Variants in TAFA1 observed in about 807,000 individuals in gnomAD.
TAFA1 encodes chemokine-like protein TAFA-1.
TAFA1 carries 4 observed loss-of-function variants against 18.5 expected under a neutral mutation model. That is an observed-to-expected ratio of 0.22 (90% CI 0.11 to 0.49). TAFA1 has a LOEUF of 0.49. Ranked by LOEUF, TAFA1 falls within the 20% of genes least tolerant of loss-of-function variation. The pLI, the probability that TAFA1 is intolerant of heterozygous loss-of-function variation, is 0.98. For missense variants in TAFA1, 147 were observed against 169.0 expected (o/e 0.87, Z 0.72); for synonymous variants, 56 against 55.2 (o/e 1.01, Z -0.06).
At chr3:68,003,977 C>T (rs754958763), upstream of TAFA1, among the ~76,000 whole-genome samples, 187 of 152,264 alleles carry the variant, frequency 1.2e-3, no homozygotes, top group Non-Finnish European at 1.9e-3. Context: ...ATTTCACTTT[C>T]CCATTTACTG....
chr3:68,253,612 G>A (rs2107170980), intron 2 of TAFA1, among the ~76,000 whole-genome samples: 1 of 152,288 alleles, frequency 6.6e-6, no homozygotes, highest in South Asian at 2.1e-4. Context: ...GAACCCTAAT[G>A]GTGATGCATG....
intron 2 of TAFA1, among the ~76,000 whole-genome samples, chr3:68,197,346 G>T (rs1256994665): frequency 6.6e-6 from 1 of 151,568 alleles, no homozygotes; most frequent in Non-Finnish European, 1.5e-5. Context: ...GAAATAAGTG[G>T]GTATGGTATG....
intron 2 of TAFA1, among the ~76,000 whole-genome samples, chr3:68,027,495 C>G (rs528855511): frequency 2.6e-5 from 4 of 152,258 alleles, no homozygotes; most frequent in Admixed American, 2.6e-4. Flanking sequence ...TAAGACATGA[C>G]TGGCATTTGT....
chr3:68,255,932 T>A (rs1191598957), intron 2 of TAFA1, among the ~76,000 whole-genome samples: 1 of 152,142 alleles, frequency 6.6e-6, no homozygotes, highest in Non-Finnish European at 1.5e-5. Context: ...AATTTACTGA[T>A]AATTTGTGAA....
At chr3:68,318,949 T>A (rs558063960) in intron 2 of TAFA1, among the ~76,000 whole-genome samples, 58 of 152,286 alleles carry the variant, frequency 3.8e-4, no homozygotes, top group South Asian at 1.2e-3. Flanking sequence ...CCATTTTTTT[T>A]AAAATTACCT....
chr3:68,000,741 G>T (rs1035863513), upstream of TAFA1, among the ~76,000 whole-genome samples: 1 of 152,156 alleles, frequency 6.6e-6, no homozygotes, highest in African/African-American at 2.4e-5. Context: ...TATAGTTCAG[G>T]TAAAAGATGA....
chr3:68,438,374 A>C (rs1326127236), intron 3 of TAFA1, among the ~76,000 whole-genome samples: 2 of 152,240 alleles, frequency 1.3e-5, no homozygotes, highest in Middle Eastern at 3.4e-3. Context: ...AAGACTCCAG[A>C]ATAACAGAAT....
intron 3 of TAFA1, among the ~76,000 whole-genome samples, chr3:68,486,064 A>AATTTTT (rs1559689341): frequency 8.0e-5 from 11 of 136,938 alleles, no homozygotes; most frequent in African/African-American, 3.1e-4. Flanking sequence ...TTCCTGGCTA[A>AATTTTT]ATTTTTATTT....
chr3:68,021,022 C>T (rs893518836), intron 2 of TAFA1, among the ~76,000 whole-genome samples: 1 of 151,510 alleles, frequency 6.6e-6, no homozygotes, highest in African/African-American at 2.4e-5. Context: ...CCCATCTCTA[C>T]TAAAAATACA....
chr3:68,462,953 A>G (rs2071813863), intron 3 of TAFA1, among the ~76,000 whole-genome samples: 1 of 152,228 alleles, frequency 6.6e-6, no homozygotes, highest in African/African-American at 2.4e-5. Flanking sequence ...GTAGTAAGGT[A>G]AACAAAACAA....
intron 1 of TAFA1, among the ~76,000 whole-genome samples, chr3:68,005,136 G>C (rs960518067): frequency 2.0e-5 from 3 of 152,042 alleles, no homozygotes; most frequent in East Asian, 1.9e-4. Context: ...TAATTTGCAG[G>C]GTATTCTGAA....
At chr3:68,160,921 C>A (rs1465678936) in intron 2 of TAFA1, among the ~76,000 whole-genome samples, 1 of 152,140 alleles carries the variant, frequency 6.6e-6, no homozygotes, top group Admixed American at 6.5e-5. Context: ...GGTCCACACA[C>A]TCAATGATCA....
At chr3:68,356,872 T>C (rs2069376177) in intron 2 of TAFA1, among the ~76,000 whole-genome samples, 1 of 151,914 alleles carries the variant, frequency 6.6e-6, no homozygotes, top group Admixed American at 6.6e-5. Context: ...GTGAAGAAGT[T>C]TTGAAAATTT....
At chr3:68,540,047 T>C (rs925380098) in intron 4 of TAFA1, among the ~76,000 whole-genome samples, 7 of 152,204 alleles carry the variant, frequency 4.6e-5, no homozygotes, top group African/African-American at 1.7e-4. Flanking sequence ...ATTATTAATC[T>C]TGACTTACTC....
intron 2 of TAFA1, among the ~76,000 whole-genome samples, chr3:68,051,341 A>G (rs2064469076): frequency 6.6e-6 from 1 of 152,188 alleles, no homozygotes; most frequent in South Asian, 2.1e-4. Context: ...CTTACTAAGA[A>G]TCAGATCTGG....
At chr3:68,277,844 A>C (rs2067824212) in intron 2 of TAFA1, among the ~76,000 whole-genome samples, 1 of 152,200 alleles carries the variant, frequency 6.6e-6, no homozygotes, top group South Asian at 2.1e-4. Flanking sequence ...TCCTCTACTC[A>C]ACAATATATC....
At chr3:68,087,064 G>T (rs976344338) in intron 2 of TAFA1, among the ~76,000 whole-genome samples, 2 of 152,100 alleles carry the variant, frequency 1.3e-5, no homozygotes, top group Admixed American at 6.6e-5. Flanking sequence ...GTGGCTTTTT[G>T]CACACTATGA....
intron 3 of TAFA1, among the ~76,000 whole-genome samples, chr3:68,508,276 T>G (rs901344688): frequency 6.6e-6 from 1 of 152,054 alleles, no homozygotes; most frequent in Non-Finnish European, 1.5e-5. Flanking sequence ...CTCCAAATGC[T>G]GCCAGATTGG....
chr3:68,348,551 A>G (rs1359419428), intron 2 of TAFA1, among the ~76,000 whole-genome samples: 1 of 152,180 alleles, frequency 6.6e-6, no homozygotes, highest in African/African-American at 2.4e-5. Flanking sequence ...GTTCCTGTAG[A>G]TACATTTCAG....
Sources: gnomAD v4.1 joint callset for allele counts (sites outside exome capture counted in the v4.1 genomes callset) on GRCh38, gnomAD v4.1.1 for gene constraint, MANE v1.5 for transcripts, NCBI Gene and HGNC (gene_info 2026-07-23, HGNC 2026-07-21) for gene names.